Variants in CD247 observed in about 807,000 individuals in gnomAD.
The protein encoded by CD247 is CD247 molecule.
Under a neutral mutation model 30.0 loss-of-function variants are expected in CD247, and 13 were observed. That is an observed-to-expected ratio of 0.43 (90% CI 0.28 to 0.69). CD247 has a LOEUF of 0.69. CD247 is among the 30% of genes least tolerant of loss of function. The probability of loss-of-function intolerance (pLI) is 0.16; values close to 1 mark genes in which losing one functional copy is unlikely to be tolerated. For synonymous variants in CD247, 72 were observed against 80.0 expected, an observed-to-expected ratio of 0.90 and a Z score of 0.53; for missense variants, 193 against 212.6, an observed-to-expected ratio of 0.91 and a Z score of 0.57.
intron 1 of CD247, among the ~76,000 whole-genome samples, chr1:167,496,571 G>A (rs919784718): frequency 6.6e-6 from 1 of 152,204 alleles, no homozygotes; most frequent in Admixed American, 6.5e-5. Context: ...ACTCTACAGA[G>A]CGGGCAGAGA....
At chr1:167,474,358 G>A (rs1186493215) in intron 1 of CD247, among the ~76,000 whole-genome samples, 1 of 152,048 alleles carries the variant, frequency 6.6e-6, no homozygotes, top group Non-Finnish European at 1.5e-5. Context: ...GGGTAGGGGT[G>A]GGAGGGTAGC....
At position 167,506,305 on chromosome 1, in the gene CD247, C is replaced by G. The variant is rs535860788; in HGVS notation, c.58+12103G>C. 8.3e-5 allele frequency among the ~76,000 whole-genome samples: 11 copies of G among 133,034 alleles called. No homozygotes were observed. The East Asian group carries it at 2.4e-3, about 29-fold the overall frequency. The allele number at this position is 133,034 out of a possible 152,430, so 87.3% of individuals were successfully genotyped here. ...TTCTTTTCTTTTTTCTTTTCTTTTC[C>G]TTTCCTTTCTTTTCTTTTCTTTTTT... On this transcript the variant is annotated intron_variant, in intron 1 of 7. Coordinates refer to ENST00000362089, the MANE Select transcript of CD247 (RefSeq NM_198053.3).
intron 1 of CD247, among the ~76,000 whole-genome samples, chr1:167,491,214 G>T (rs139338530): frequency 6.6e-6 from 1 of 152,146 alleles, no homozygotes; most frequent in African/African-American, 2.4e-5. Context: ...CACTGTGGGC[G>T]GAAAGGTAAA....
At position 167,460,287 on chromosome 1, in the gene CD247, AG is replaced by A. The variant is rs959784280; in HGVS notation, c.59-19521del. On this transcript the variant is annotated intron_variant, in intron 1 of 7. Transcript: ENST00000362089. ...TGTGGTGGTGCGCACCTGTAGTCCC[AG>A]CTACTCGGGAAGCTGAGGTGGGAGG... 1.3e-4 allele frequency among the ~76,000 whole-genome samples: 20 copies of A among 152,282 alleles called. No individual in the cohort carries two copies. The South Asian group carries it at 2.3e-3, about 17-fold the overall frequency.
chr1:167,432,953 ATGTGGGGGCCTTGATCT>A (rs1651345081), intron 7 of CD247, 54 bp downstream of exon 7: 2 of 1,552,308 alleles, frequency 1.3e-6, no homozygotes, highest in Non-Finnish European at 1.8e-6. Flanking sequence ...AGCAGGCAAA[ATGTGGGGGCCTTGATCT>A]TGCCCCTTGT....
chr1:167,474,269 T>C (rs763973286), intron 1 of CD247, among the ~76,000 whole-genome samples: 1 of 151,940 alleles, frequency 6.6e-6, no homozygotes, highest in Non-Finnish European at 1.5e-5. Flanking sequence ...GACTTTAAAG[T>C]CAGATTTTAA....
chr1:167,472,453 A>C (rs2102050567), intron 1 of CD247, among the ~76,000 whole-genome samples: 1 of 152,334 alleles, frequency 6.6e-6, no homozygotes, highest in Admixed American at 6.5e-5. Context: ...GTATGCACTC[A>C]CACACAGTGT....
chr1:167,512,850 C>G (rs1655450164), intron 1 of CD247, among the ~76,000 whole-genome samples: 1 of 152,214 alleles, frequency 6.6e-6, no homozygotes, highest in African/African-American at 2.4e-5. Flanking sequence ...CCAGAGCCTC[C>G]TCTCCTTCCA....
chr1:167,432,510 G>A (rs925981146), intron 7 of CD247, among the ~76,000 whole-genome samples: 7 of 152,252 alleles, frequency 4.6e-5, no homozygotes, highest in Non-Finnish European at 7.3e-5. Context: ...TAGAGAAGTA[G>A]TTTGACCGTG....
intron 1 of CD247, among the ~76,000 whole-genome samples, chr1:167,507,499 C>T (rs567716697): frequency 2.6e-5 from 4 of 151,962 alleles, no homozygotes; most frequent in Non-Finnish European, 5.9e-5. Context: ...GAAATTATTC[C>T]AGACTTGAAT....
At chr1:167,505,364 C>G (rs536802912) in intron 1 of CD247, among the ~76,000 whole-genome samples, 5 of 152,214 alleles carry the variant, frequency 3.3e-5, no homozygotes, top group Non-Finnish European at 5.9e-5. Flanking sequence ...CACTTCTTCA[C>G]TCATTAAACT....
intron 1 of CD247, among the ~76,000 whole-genome samples, chr1:167,506,364 C>T (rs1051226052): frequency 6.8e-6 from 1 of 147,434 alleles, no homozygotes; most frequent in Non-Finnish European, 1.5e-5. Context: ...CTCCCCTTCC[C>T]TTTCTTTTTC....
intron 1 of CD247, among the ~76,000 whole-genome samples, chr1:167,480,021 CG>C (rs1258198853): frequency 2.6e-5 from 4 of 152,162 alleles, no homozygotes; most frequent in African/African-American, 9.7e-5. Flanking sequence ...CAAAACAGCA[CG>C]GGCTGGATCA....
intron 1 of CD247, among the ~76,000 whole-genome samples, chr1:167,483,338 A>T (rs2102067069): frequency 2.0e-5 from 3 of 152,216 alleles, no homozygotes; most frequent in Middle Eastern, 6.8e-3. Flanking sequence ...ACTTCAGTTG[A>T]TCAACCACAG....
In CD247 at chr1:167,491,575, A is replaced by C. The variant is rs1017990936; in HGVS notation, c.58+26833T>G. ...AGAGCGAAACTCCATCTCAAAAAAA[A>C]AAAAAATAGAACTATCATATGGTCT... On this transcript the variant is annotated intron_variant, in intron 1 of 7. Transcript: ENST00000362089. Among the ~76,000 whole-genome samples the C allele has an allele frequency of 1.8e-3, 272 of 152,040 alleles. 2 individuals are homozygous for C. The highest frequency in any genetic ancestry group is 6.1e-3 in the African/African-American group (255 of 41,486).
At chr1:167,445,114 T>C (rs1458998156) in intron 1 of CD247, among the ~76,000 whole-genome samples, 4 of 151,920 alleles carry the variant, frequency 2.6e-5, no homozygotes, top group Non-Finnish European at 4.4e-5. Context: ...TTAGTAGAGA[T>C]GGGGTTTTGC....
At chr1:167,467,929 A>G (rs1249344873) in intron 1 of CD247, among the ~76,000 whole-genome samples, 1 of 152,218 alleles carries the variant, frequency 6.6e-6, no homozygotes, top group Non-Finnish European at 1.5e-5. Context: ...CCCCTTAGCC[A>G]ATTCATAATT....
At chr1:167,517,052 T>C (rs1025273414) in intron 1 of CD247, among the ~76,000 whole-genome samples, 3 of 152,178 alleles carry the variant, frequency 2.0e-5, no homozygotes, top group Non-Finnish European at 4.4e-5. Flanking sequence ...CTGAAGTCAC[T>C]AAATTCCAGC....
At chr1:167,438,684 G>C in intron 3 of CD247, 34 bp from the exon 4 acceptor site, 3 of 1,543,300 alleles carry the variant, frequency 1.9e-6, no homozygotes. Flanking sequence ...GACACAGGAC[G>C]GAGGAACCTC....
Sources: gnomAD v4.1 joint callset for allele counts (sites outside exome capture counted in the v4.1 genomes callset) on GRCh38, gnomAD v4.1.1 for gene constraint, MANE v1.5 for transcripts, NCBI Gene and HGNC (gene_info 2026-07-23, HGNC 2026-07-21) for gene names.